Variants in MGAT4C observed in about 807,000 individuals in gnomAD.
MGAT4C encodes the protein alpha-1,3-mannosyl-glycoprotein 4-beta-N-acetylglucosaminyltransferase C.
MGAT4C carries 19 observed loss-of-function variants against 40.1 expected under a neutral mutation model. The observed-to-expected ratio is 0.47, with a 90% CI of 0.33 to 0.70. MGAT4C has a LOEUF of 0.70. Ranked by LOEUF, MGAT4C falls within the 30% of genes least tolerant of loss-of-function variation. The probability of loss-of-function intolerance (pLI) is 0.02; values close to 1 mark genes in which losing one functional copy is unlikely to be tolerated. For synonymous variants in MGAT4C, 181 were observed against 187.1 expected (o/e 0.97, Z 0.27); for missense variants, 491 against 563.2 (o/e 0.87, Z 1.30).
chr12:86,275,598 G>A (rs1953058223), intron 4 of MGAT4C, among the ~76,000 whole-genome samples: 1 of 152,134 alleles, frequency 6.6e-6, no homozygotes, highest in African/African-American at 2.4e-5. Flanking sequence ...CCAATGTAGT[G>A]ACAAACGTGT....
intron 1 of MGAT4C, among the ~76,000 whole-genome samples, chr12:86,735,876 C>T (rs887879934): frequency 6.6e-6 from 1 of 151,838 alleles, no homozygotes; most frequent in Non-Finnish European, 1.5e-5. Flanking sequence ...CTTGCTCTAA[C>T]TTAAACCTGG....
At chr12:86,010,747 C>A (rs1056727649) in intron 2 of MGAT4C, among the ~76,000 whole-genome samples, 5 of 152,134 alleles carry the variant, frequency 3.3e-5, no homozygotes, top group African/African-American at 1.2e-4. Context: ...CCCAGTGTAA[C>A]AGTATTAAAA....
Position 85,961,810 on chromosome 12 carries a change from G to C in MGAT4C, c.*17479C>G, listed in dbSNP as rs1223432728. The stretch of plus-strand genomic sequence containing the variant: ...ATAGATTAGCATAGTCAGGAGGCTT[G>C]GATTGGCAGCTATTAAATACAATTT... On this transcript the variant is annotated 3_prime_UTR_variant, in exon 5 of 5. Transcript: ENST00000611864. 6.6e-6 allele frequency: 1 copy of C among 151,820 alleles called. No individual in the cohort carries two copies. The highest frequency in any genetic ancestry group is 1.5e-5 in the Non-Finnish European group (1 of 67,770). The allele number at this position is 151,820 out of a possible 1,614,324, so 9.4% of individuals were successfully genotyped here. A position where few individuals can be genotyped will look rare whatever the true frequency, so the allele number is the denominator to read the frequency against.
intron 1 of MGAT4C, among the ~76,000 whole-genome samples, chr12:86,253,539 A>G (rs1296999664): frequency 6.6e-6 from 1 of 152,000 alleles, no homozygotes; most frequent in Non-Finnish European, 1.5e-5. Context: ...AATTGTTAAG[A>G]ATTAATTGTA....
At chr12:86,813,965 C>T (rs548348517) in intron 1 of MGAT4C, among the ~76,000 whole-genome samples, 13 of 151,864 alleles carry the variant, frequency 8.6e-5, no homozygotes, top group Middle Eastern at 3.4e-3. Flanking sequence ...GGCTAGAGTG[C>T]AGTGGCACGA....
rs1035161227 is a variant in MGAT4C at position 86,391,665 on chromosome 12, T to G, written c.-120+43492A>C. 2.6e-5 allele frequency among the ~76,000 whole-genome samples: 4 copies of G among 152,196 alleles called. 1 individual carries two copies. Among genetic ancestry groups the G allele is most frequent in the Admixed American group, 2.6e-4 (4 of 15,294 alleles). ...CCAGGTCAGGAGATCGAGACCATCCTGACTAACATGGTGAAACCCCGTCTC... is the reference window on the plus strand; with the variant it reads ...CCAGGTCAGGAGATCGAGACCATCCGGACTAACATGGTGAAACCCCGTCTC... On this transcript the variant is annotated intron_variant, in intron 3 of 7. Coordinates refer to the MGAT4C transcript ENST00000548651.
At chr12:86,545,534 T>A (rs1959188681) in intron 2 of MGAT4C, among the ~76,000 whole-genome samples, 1 of 151,860 alleles carries the variant, frequency 6.6e-6, no homozygotes, top group African/African-American at 2.4e-5. Flanking sequence ...CAAGCAATAT[T>A]CAAATCAAAA....
intron 2 of MGAT4C, among the ~76,000 whole-genome samples, chr12:86,472,057 C>T (rs913749950): frequency 6.6e-6 from 1 of 152,064 alleles, no homozygotes; most frequent in Non-Finnish European, 1.5e-5. Flanking sequence ...GAACATTTAT[C>T]AATGGTGCAT....
At chr12:86,420,574 T>C (rs1425413623) in intron 3 of MGAT4C, among the ~76,000 whole-genome samples, 3 of 152,030 alleles carry the variant, frequency 2.0e-5, no homozygotes, top group Admixed American at 1.3e-4. Flanking sequence ...TACTACCAGT[T>C]CATCTCCATA....
At position 85,975,483 on chromosome 12, in the gene MGAT4C, G is replaced by A. The variant is rs1221302534; in HGVS notation, c.*3806C>T. 2 of 150,906 alleles carry A rather than the reference G, an allele frequency of 1.3e-5. No homozygotes were observed. The highest frequency in any genetic ancestry group is 3.0e-5 in the Non-Finnish European group (2 of 67,120). The allele number at this position is 150,906 out of a possible 1,614,324, so 9.3% of individuals were successfully genotyped here. On this transcript the variant is annotated 3_prime_UTR_variant, in exon 5 of 5. Transcript: ENST00000611864. Reference sequence around the variant, plus strand: ...TCCTATTCACAGATGTAGAAACTGAGTTTCAAGAAGGTTAAGTAAATTTCC... The same window carrying A: ...TCCTATTCACAGATGTAGAAACTGAATTTCAAGAAGGTTAAGTAAATTTCC...
chr12:86,358,336 A>C (rs1300054335), intron 3 of MGAT4C, among the ~76,000 whole-genome samples: 1 of 152,224 alleles, frequency 6.6e-6, no homozygotes, highest in African/African-American at 2.4e-5. Context: ...AGCACTAAAC[A>C]TGGAAAGGAA....
chr12:86,062,281 G>C (rs999949926), intron 1 of MGAT4C, among the ~76,000 whole-genome samples: 2 of 152,122 alleles, frequency 1.3e-5, no homozygotes, highest in African/African-American at 2.4e-5. Flanking sequence ...TGCAGCAGAG[G>C]GTCCTGACTG....
intron 2 of MGAT4C, among the ~76,000 whole-genome samples, chr12:86,008,850 C>G (rs1888165830): frequency 6.6e-6 from 1 of 152,044 alleles, no homozygotes. Flanking sequence ...TTTTCTCCAT[C>G]TGTTGAATTG....
intron 1 of MGAT4C, among the ~76,000 whole-genome samples, chr12:86,059,826 C>T (rs974492377): frequency 2.0e-5 from 3 of 152,146 alleles, no homozygotes; most frequent in Non-Finnish European, 1.5e-5. Flanking sequence ...GCCCCTAACA[C>T]AAGACTCTAA....
At chr12:86,781,956 T>G (rs1160312579) in intron 1 of MGAT4C, among the ~76,000 whole-genome samples, 13 of 151,926 alleles carry the variant, frequency 8.6e-5, no homozygotes, top group African/African-American at 2.9e-4. Context: ...TGAAAAAAAC[T>G]CCACACTTTT....
intron 2 of MGAT4C, among the ~76,000 whole-genome samples, chr12:86,631,278 T>A (rs924498444): frequency 1.3e-5 from 2 of 152,120 alleles, no homozygotes; most frequent in Non-Finnish European, 2.9e-5. Context: ...TGGAAAAACA[T>A]TCCATGCTCA....
intron 1 of MGAT4C, among the ~76,000 whole-genome samples, chr12:86,079,983 T>A (rs1870525423): frequency 6.6e-6 from 1 of 152,024 alleles, no homozygotes; most frequent in Admixed American, 6.6e-5. Flanking sequence ...TTTTTCTTTT[T>A]TTCTTTCTAC....
intron 2 of MGAT4C, among the ~76,000 whole-genome samples, chr12:86,463,973 C>A (rs914488507): frequency 6.6e-6 from 1 of 152,084 alleles, no homozygotes; most frequent in East Asian, 1.9e-4. Flanking sequence ...CTTCCTTTTG[C>A]TATTTCAGAG....
At chr12:86,691,306 C>T (rs971876102) in intron 2 of MGAT4C, among the ~76,000 whole-genome samples, 3 of 152,184 alleles carry the variant, frequency 2.0e-5, no homozygotes, top group Non-Finnish European at 4.4e-5. Flanking sequence ...AAAAGCAATA[C>T]TCCCAAGAGA....
Sources: gnomAD v4.1 joint callset for allele counts (sites outside exome capture counted in the v4.1 genomes callset) on GRCh38, gnomAD v4.1.1 for gene constraint, MANE v1.5 for transcripts, NCBI Gene and HGNC (gene_info 2026-07-23, HGNC 2026-07-21) for gene names.